SPRY3: variants seen among roughly 807,000 people sequenced by gnomAD.
SPRY3 encodes the protein protein sprouty homolog 3.
SPRY3 carries 15 observed loss-of-function variants against 20.2 expected under a neutral mutation model. That is an observed-to-expected ratio of 0.74 (90% CI 0.50 to 1.14). The LOEUF (loss-of-function observed/expected upper bound fraction) is 1.14. Among genes scored for constraint, SPRY3 ranks in the 50% most tolerant of loss-of-function variants. The pLI, the probability that SPRY3 is intolerant of heterozygous loss-of-function variation, is 0.00. For missense variants in SPRY3, 364 were observed against 363.9 expected (o/e 1.00, Z 0.00); for synonymous variants, 143 against 136.5 (o/e 1.05, Z -0.33).
At chrX:155,715,448 G>C (rs970619098) in intron 2 of SPRY3, among the ~76,000 whole-genome samples, 1 of 152,136 alleles carries the variant, frequency 6.6e-6, no homozygotes, top group Non-Finnish European at 1.5e-5. Context: ...TAGTATCTAA[G>C]TTGCAAGACA....
chrX:155,703,946 TAGC>T, intron 2 of SPRY3, among the ~76,000 whole-genome samples: 1 of 152,032 alleles, frequency 6.6e-6, no homozygotes, highest in Non-Finnish European at 1.5e-5. Context: ...ATGGTAACCA[TAGC>T]AGCAATATAT....
At chrX:155,686,307 G>A (rs760583894) in intron 2 of SPRY3, among the ~76,000 whole-genome samples, 4 of 110,831 alleles carry the variant, frequency 3.6e-5, no homozygotes, top group Admixed American at 9.6e-5. Context: ...TTCTTTGTAC[G>A]CCAGCTGGTT....
intron 2 of SPRY3, among the ~76,000 whole-genome samples, chrX:155,745,474 G>A (rs375895946): frequency 2.8e-4 from 43 of 152,198 alleles, no homozygotes; most frequent in African/African-American, 8.9e-4. Flanking sequence ...ATCTTGTGTT[G>A]AGGGAAGTCA....
intron 2 of SPRY3, among the ~76,000 whole-genome samples, chrX:155,670,913 C>T (rs2068038407): frequency 8.9e-6 from 1 of 112,103 alleles, no homozygotes; most frequent in African/African-American, 3.2e-5. Context: ...CACTGATCAT[C>T]CTAAACGTTA....
intron 2 of SPRY3, among the ~76,000 whole-genome samples, chrX:155,668,484 A>G (rs1557354492): frequency 9.0e-6 from 1 of 111,053 alleles, no homozygotes; most frequent in Non-Finnish European, 1.9e-5. Context: ...ATCTTGATCT[A>G]TATAGGGGTT....
intron 2 of SPRY3, among the ~76,000 whole-genome samples, chrX:155,702,370 GA>G (rs2090919547): frequency 8.0e-5 from 1 of 12,442 alleles, no homozygotes; most frequent in African/African-American, 3.9e-4. Flanking sequence ...TATTCTCTTT[GA>G]AGCAATTGCG....
At chrX:155,716,533 AG>A (rs1464870223) in intron 2 of SPRY3, among the ~76,000 whole-genome samples, 1 of 151,794 alleles carries the variant, frequency 6.6e-6, no homozygotes. Context: ...TAACTTTTTT[AG>A]GTAATATATT....
chrX:155,730,589 A>G (rs1296581826), intron 2 of SPRY3, among the ~76,000 whole-genome samples: 1 of 151,022 alleles, frequency 6.6e-6, no homozygotes, highest in African/African-American at 2.4e-5. Context: ...ATCATGCTGA[A>G]TGGGGATCAG....
exon 4 of SPRY3, chrX:155,774,805 C>A: frequency 1.3e-6 from 2 of 1,520,442 alleles, no homozygotes; most frequent in Admixed American, 4.1e-5. Context: ...TAGGCCTCAT[C>A]TTTGGAGAGG....
intron 2 of SPRY3, among the ~76,000 whole-genome samples, chrX:155,708,744 C>A (rs1322064709): frequency 6.6e-6 from 1 of 151,492 alleles, no homozygotes; most frequent in Non-Finnish European, 1.5e-5. Flanking sequence ...GTGTTACAAA[C>A]AATCTAATTA....
intron 2 of SPRY3, among the ~76,000 whole-genome samples, chrX:155,715,260 C>T (rs2091014393): frequency 6.6e-6 from 1 of 151,602 alleles, no homozygotes; most frequent in South Asian, 2.1e-4. Flanking sequence ...GGTGGTTGTT[C>T]GTGGCCCAAG....
At chrX:155,714,579 T>C (rs1361230596) in intron 2 of SPRY3, among the ~76,000 whole-genome samples, 2 of 152,152 alleles carry the variant, frequency 1.3e-5, no homozygotes, top group Non-Finnish European at 2.9e-5. Flanking sequence ...CAAGCATCCC[T>C]GTGGCCACCA....
At position 155,764,552 on chromosome X, in the gene SPRY3, A is replaced by G. The variant is rs780294088; in HGVS notation, c.-281-3410A>G. ...TTGGTTATCCATTCATTCAATAAGT[A>G]TTAATTTAGTGATCAGTATGCTAGG... On this transcript the variant is annotated intron_variant, in intron 2 of 3. Transcript: ENST00000675360. Among the ~76,000 whole-genome samples, 4 of 152,326 alleles carry G rather than the reference A, an allele frequency of 2.6e-5. No individual in the cohort carries two copies. The South Asian group carries it at 8.3e-4, about 32-fold the overall frequency.
exon 4 of SPRY3, chrX:155,773,816 T>C (rs2091399847): frequency 1.9e-6 from 3 of 1,563,714 alleles, no homozygotes; most frequent in Non-Finnish European, 2.6e-6. Context: ...CTCCTCTTTA[T>C]CACCATAAGT....
At chrX:155,767,906 T>TTTGTTTTG (rs1254188108) in intron 2 of SPRY3, 56 bp from the exon 2 acceptor site, 16 of 148,598 alleles carry the variant, frequency 1.1e-4, no homozygotes, top group African/African-American at 4.0e-4. Context: ...CCCCCGTTTT[T>TTTGTTTTG]TTGTTTTGTT....
At chrX:155,767,727 G>GGAGGAGGAGAAAGAA (rs2091346485) in intron 2 of SPRY3, 2 of 68,496 alleles carry the variant, frequency 2.9e-5, no homozygotes, top group Admixed American at 2.2e-4. Flanking sequence ...AGAAAGAGGA[G>GGAGGAGGAGAAAGAA]GAGGAGGAGA....
At chrX:155,613,831 A>G (rs1446194292) in intron 1 of SPRY3, among the ~76,000 whole-genome samples, 1 of 111,118 alleles carries the variant, frequency 9.0e-6, no homozygotes, top group Non-Finnish European at 1.9e-5. Flanking sequence ...AGTATGCCCA[A>G]TGGATCTCGT....
Position 155,765,643 on chromosome X carries a change from C to G in SPRY3, c.-281-2319C>G, listed in dbSNP as rs774602927. 2.0e-5 allele frequency among the ~76,000 whole-genome samples: 3 copies of G among 152,232 alleles called. No individual in the cohort carries two copies. In the East Asian group the frequency reaches 5.8e-4, roughly 29 times the overall value. ...AACTTTTTTTGTCATGGGTATCATC[C>G]TAAGAGGTAAGAAGGCTGAATAATC... On this transcript the variant is annotated intron_variant, in intron 2 of 3. Transcript: ENST00000675360.
At chrX:155,716,204 A>G (rs967568496) in intron 2 of SPRY3, among the ~76,000 whole-genome samples, 1 of 152,040 alleles carries the variant, frequency 6.6e-6, no homozygotes, top group East Asian at 1.9e-4. Context: ...AATTTCTATC[A>G]CTCTGTCTTT....
Sources: allele counts gnomAD v4.1 joint callset (sites outside exome capture counted in the v4.1 genomes callset), GRCh38; gene constraint gnomAD v4.1.1; transcripts MANE v1.5; gene names NCBI Gene and HGNC (gene_info 2026-07-23, HGNC 2026-07-21).